The following TENM3 variants were observed in gnomAD, a reference collection of about 807,000 sequenced individuals.
TENM3 encodes teneurin transmembrane protein 3, also known as teneurin-3.
A neutral mutation model predicts 255.1 loss-of-function variants in TENM3; 63 were observed. The observed-to-expected ratio is 0.25, with a 90% CI of 0.20 to 0.30. The LOEUF is 0.30. Ranked by LOEUF, TENM3 falls within the 10% of genes least tolerant of loss-of-function variation. The pLI is 1.00. For synonymous variants in TENM3, 1,306 were observed against 1,322.3 expected, an observed-to-expected ratio of 0.99 and a Z score of 0.27; for missense variants, 2,929 against 3,461.1, an observed-to-expected ratio of 0.85 and a Z score of 3.86.
intron 6 of TENM3, among the ~76,000 whole-genome samples, chr4:182,672,799 A>T (rs1406665554): frequency 6.6e-6 from 1 of 152,264 alleles, no homozygotes; most frequent in Non-Finnish European, 1.5e-5. Context: ...TAACTTAAAT[A>T]TCTTACGAGC....
chr4:182,277,573 A>C (rs907938394), intron 1 of TENM3, among the ~76,000 whole-genome samples: 2 of 152,132 alleles, frequency 1.3e-5, no homozygotes, highest in South Asian at 4.1e-4. Context: ...GCTACTCTTC[A>C]CTCATAATAG....
the TENM3 span, among the ~76,000 whole-genome samples, chr4:181,581,350 A>G: frequency 2.0e-5 from 3 of 152,132 alleles, no homozygotes; most frequent in Non-Finnish European, 2.9e-5. Context: ...CTGAGGCAGA[A>G]GAATCACTTG....
intron 5 of TENM3, among the ~76,000 whole-genome samples, chr4:182,629,575 C>T (rs952648727): frequency 2.6e-5 from 4 of 151,970 alleles, no homozygotes; most frequent in Non-Finnish European, 5.9e-5. Context: ...TTTTAAAATG[C>T]CAGAAATGAC....
chr4:182,303,271 A>G (rs1184387635), intron 1 of TENM3, among the ~76,000 whole-genome samples: 2 of 152,088 alleles, frequency 1.3e-5, no homozygotes, highest in Non-Finnish European at 2.9e-5. Flanking sequence ...ATTTGCTCTA[A>G]TGTTGGAGCA....
chr4:182,185,773 G>T (rs557078178), intron 1 of TENM3, among the ~76,000 whole-genome samples: 2 of 152,302 alleles, frequency 1.3e-5, no homozygotes, highest in East Asian at 3.9e-4. Context: ...TTCTTCTGTT[G>T]AATCGATTCA....
chr4:181,976,074 A>T, the TENM3 span: 1 of 152,184 alleles, frequency 6.6e-6, no homozygotes, highest in Non-Finnish European at 1.5e-5. Flanking sequence ...TTTTATAAGG[A>T]CATCAGTCAT....
chr4:182,595,738 AG>A (rs1354284728), intron 3 of TENM3, among the ~76,000 whole-genome samples: 1 of 152,110 alleles, frequency 6.6e-6, no homozygotes. Flanking sequence ...TCAGAAAGAT[AG>A]AGAGGAATAT....
the TENM3 span, among the ~76,000 whole-genome samples, chr4:181,812,054 A>G: frequency 6.6e-6 from 1 of 152,104 alleles, no homozygotes; most frequent in East Asian, 1.9e-4. Context: ...CATTTTTTTA[A>G]TTTGTTTCTC....
chr4:182,278,301 A>C (rs1760140558), intron 1 of TENM3, among the ~76,000 whole-genome samples: 1 of 152,108 alleles, frequency 6.6e-6, no homozygotes, highest in South Asian at 2.1e-4. Flanking sequence ...TGGGAGGTGG[A>C]GGTTGCGGTG....
At chr4:181,578,863 C>G in the TENM3 span, among the ~76,000 whole-genome samples, 2 of 152,256 alleles carry the variant, frequency 1.3e-5, no homozygotes, top group South Asian at 4.1e-4. Context: ...GGCCCTATCT[C>G]CAAATACAGT....
At chr4:181,711,453 G>T in the TENM3 span, among the ~76,000 whole-genome samples, 3 of 152,192 alleles carry the variant, frequency 2.0e-5, no homozygotes, top group Admixed American at 6.5e-5. Flanking sequence ...ATCTGCTTCA[G>T]TTCTTGGATC....
chr4:181,479,989 G>A, the TENM3 span, among the ~76,000 whole-genome samples: 2 of 152,072 alleles, frequency 1.3e-5, no homozygotes, highest in Non-Finnish European at 2.9e-5. Context: ...AGCAATCACA[G>A]TAACCAGTAA....
chr4:182,463,341 A>G (rs1732239313), intron 3 of TENM3, among the ~76,000 whole-genome samples: 1 of 152,186 alleles, frequency 6.6e-6, no homozygotes, highest in South Asian at 2.1e-4. Flanking sequence ...GTGTGAAACC[A>G]CTACAAAAAC....
the TENM3 span, among the ~76,000 whole-genome samples, chr4:181,509,885 C>T: frequency 0.013 from 2,027 of 152,282 alleles, 38 homozygotes; most frequent in East Asian, 0.071. Flanking sequence ...ATTTGTCACT[C>T]TATAATTTAT....
intron 4 of TENM3, among the ~76,000 whole-genome samples, chr4:182,625,559 C>T (rs552786899): frequency 7.2e-5 from 11 of 152,202 alleles, no homozygotes; most frequent in East Asian, 3.9e-4. Flanking sequence ...CGTTGGGGAC[C>T]GCTGCAGTAA....
the TENM3 span, among the ~76,000 whole-genome samples, chr4:181,799,588 G>A: frequency 5.9e-5 from 9 of 152,292 alleles, no homozygotes; most frequent in African/African-American, 1.9e-4. Flanking sequence ...GAAAATAGCA[G>A]CAGACATGTA....
chr4:182,762,332 A>T (rs1763267660), intron 22 of TENM3, among the ~76,000 whole-genome samples: 1 of 152,214 alleles, frequency 6.6e-6, no homozygotes, highest in Admixed American at 6.5e-5. Flanking sequence ...AACTGTCTAG[A>T]TTAGATGATT....
intron 5 of TENM3, among the ~76,000 whole-genome samples, chr4:182,634,643 A>T (rs964925970): frequency 6.6e-6 from 1 of 151,626 alleles, no homozygotes; most frequent in Non-Finnish European, 1.5e-5. Context: ...GACCTACCCA[A>T]AGAAATACCT....
the TENM3 span, among the ~76,000 whole-genome samples, chr4:181,702,554 T>C: frequency 6.6e-6 from 1 of 152,214 alleles, no homozygotes; most frequent in Non-Finnish European, 1.5e-5. Flanking sequence ...ATTTCTTTTT[T>C]GTAAAAAACA....
Sources: gnomAD v4.1 joint callset for allele counts (sites outside exome capture counted in the v4.1 genomes callset) on GRCh38, gnomAD v4.1.1 for gene constraint, MANE v1.5 for transcripts, NCBI Gene and HGNC (gene_info 2026-07-23, HGNC 2026-07-21) for gene names.